EPG5: variants seen among roughly 807,000 people sequenced by gnomAD.
EPG5 encodes the protein ectopic P granules protein 5 homolog.
A neutral mutation model predicts 302.7 loss-of-function variants in EPG5; 159 were observed. The ratio of observed to expected loss-of-function variants is 0.53; its 90% CI spans 0.46 to 0.60. The LOEUF (loss-of-function observed/expected upper bound fraction) is 0.60, where lower values mean the gene tolerates loss of function less well. Ranked by LOEUF, EPG5 falls within the 20% of genes least tolerant of loss-of-function variation. EPG5 has a pLI of 0.00. For missense variants in EPG5, 2,896 were observed against 3,092.4 expected (o/e 0.94, Z 1.51); for synonymous variants, 1,158 against 1,136.8 (o/e 1.02, Z -0.37).
chr18:45,950,372 G>C (rs185734354), intron 4 of EPG5, among the ~76,000 whole-genome samples: 2 of 152,084 alleles, frequency 1.3e-5, no homozygotes, highest in Non-Finnish European at 2.9e-5. Context: ...CTGAATCATG[G>C]GGGCCGGTCT....
intron 32 of EPG5, 75 bp from the exon 33 acceptor site, chr18:45,879,289 G>A: frequency 2.9e-6 from 3 of 1,030,754 alleles, no homozygotes; most frequent in South Asian, 1.5e-5. Context: ...ACTGTGATGG[G>A]GGTGTATATA....
In EPG5 at chr18:45,954,774, G is replaced by T. The variant is rs1465076152; in HGVS notation, c.628C>A (p.Pro210Thr). The T allele has an allele frequency of 2.5e-6, 4 of 1,613,770 alleles. No homozygotes were observed. The highest frequency in any genetic ancestry group is 3.4e-6 in the Non-Finnish European group (4 of 1,179,956). Reference protein sequence around the residue: ...SCPAKHGFQTPRVKKLYPQLP... With the variant: ...SCPAKHGFQTTRVKKLYPQLP... ...TGGGGATACAGTTTCTTCACTCTAG[G>T]TGTCTGAAAACCATGTTTGGCTGGG... Residue 210 changes from proline to threonine, a missense_variant, in exon 2 of 44, where the codon CCT becomes ACT. Coordinates refer to ENST00000282041, the MANE Select transcript of EPG5 (RefSeq NM_020964.3).
At chr18:45,824,348 A>C in the EPG5 span, among the ~76,000 whole-genome samples, 3 of 152,212 alleles carry the variant, frequency 2.0e-5, no homozygotes, top group Non-Finnish European at 4.4e-5. Context: ...CTGAGACTAC[A>C]GGCACCCACC....
chr18:45,865,513 A>G, intron 39 of EPG5, 102 bp downstream of exon 39: 1 of 1,251,050 alleles, frequency 8.0e-7, no homozygotes, highest in Non-Finnish European at 1.1e-6. Flanking sequence ...CTCTGGAAAG[A>G]GGAGTGCCAG....
At chr18:45,879,361 G>A (rs1370996620) in intron 32 of EPG5, 147 bp from the exon 33 acceptor site, 2 of 623,684 alleles carry the variant, frequency 3.2e-6, no homozygotes, top group Non-Finnish European at 5.4e-6. Flanking sequence ...ATAAATCAAT[G>A]GTTTTTTGTT....
chr18:45,900,085 G>A lies in EPG5; in HGVS notation c.4647-519C>T, dbSNP rs566478532. Among the ~76,000 whole-genome samples the A allele has an allele frequency of 1.8e-4, 27 of 152,206 alleles. 1 individual carries two copies. In the South Asian group the frequency reaches 2.1e-3, roughly 12 times the overall value. On this transcript the variant is annotated intron_variant, in intron 26 of 43. Transcript: ENST00000282041. ...GCAACAAATGCCTGGACCAAAAACAGACAAGGAAAAAAATACTGATAAGAA... is the reference window on the plus strand; with the variant it reads ...GCAACAAATGCCTGGACCAAAAACAAACAAGGAAAAAAATACTGATAAGAA...
the EPG5 span, among the ~76,000 whole-genome samples, chr18:45,833,722 G>C: frequency 6.6e-6 from 1 of 152,172 alleles, no homozygotes; most frequent in Non-Finnish European, 1.5e-5. Flanking sequence ...TGTCATTATT[G>C]TTGCTGTTGC....
chr18:45,865,808 G>C, intron 38 of EPG5, 49 bp from the exon 39 acceptor site: 1 of 1,574,018 alleles, frequency 6.4e-7, no homozygotes, highest in Non-Finnish European at 8.6e-7. Flanking sequence ...CAAGCAAGGA[G>C]TGTTAACTGC....
intron 7 of EPG5, among the ~76,000 whole-genome samples, chr18:45,945,369 A>G (rs1043887652): frequency 5.9e-5 from 9 of 152,182 alleles, no homozygotes. Flanking sequence ...ATAGCTAGTA[A>G]CAAGAAACCA....
chr18:45,955,437 T>C (rs912398414), intron 1 of EPG5, 99 bp from the exon 2 acceptor site: 11 of 822,348 alleles, frequency 1.3e-5, no homozygotes, highest in Non-Finnish European at 1.9e-5. Context: ...AATTTCATCA[T>C]GTAACAAATG....
At chr18:45,891,848 T>G (rs1214127263) in intron 27 of EPG5, among the ~76,000 whole-genome samples, 1 of 152,234 alleles carries the variant, frequency 6.6e-6, no homozygotes, top group Non-Finnish European at 1.5e-5. Flanking sequence ...TGAATTAAAT[T>G]TGAAATCTTT....
Position 45,954,667 on chromosome 18 carries a change from T to C in EPG5, c.735A>G (p.Glu245=). ...GTACTAGTTCCAGTTGAGACGGGAGTTCTGGGTAGAGTCGCTCACTGCGAA... is the reference window on the plus strand; with the variant it reads ...GTACTAGTTCCAGTTGAGACGGGAGCTCTGGGTAGAGTCGCTCACTGCGAA... ...PLLRSERLYP[E]LPSQLELVPF... Residue 245 remains glutamate, a synonymous_variant, in exon 2 of 44, where the codon GAA becomes GAG. Transcript: ENST00000282041. 6.2e-7 allele frequency: 1 copy of C among 1,614,106 alleles called. No individual in the cohort carries two copies. The highest frequency in any genetic ancestry group is 8.5e-7 in the Non-Finnish European group (1 of 1,180,024).
intron 17 of EPG5, among the ~76,000 whole-genome samples, chr18:45,916,960 G>A (rs1240766458): frequency 1.3e-5 from 2 of 152,156 alleles, no homozygotes; most frequent in African/African-American, 4.8e-5. Context: ...CTTAAAAAGG[G>A]GTTGAAGGGT....
At chr18:45,864,814 CTTG>C (rs1386373926) in intron 39 of EPG5, among the ~76,000 whole-genome samples, 1 of 152,226 alleles carries the variant, frequency 6.6e-6, no homozygotes, top group Non-Finnish European at 1.5e-5. Context: ...TGAGGGTCAG[CTTG>C]TTATCAATTC....
intron 11 of EPG5, among the ~76,000 whole-genome samples, chr18:45,931,343 T>G (rs1429461290): frequency 6.6e-6 from 1 of 152,194 alleles, no homozygotes; most frequent in African/African-American, 2.4e-5. Flanking sequence ...GGGCAAGAAA[T>G]TAGTTATAAC....
chr18:45,913,890 C>G, intron 20 of EPG5, 62 bp from the exon 21 acceptor site: 1 of 1,572,930 alleles, frequency 6.4e-7, no homozygotes, highest in Non-Finnish European at 8.6e-7. Context: ...CGAAATACAT[C>G]CTGATATTCC....
intron 11 of EPG5, among the ~76,000 whole-genome samples, chr18:45,931,695 C>T (rs898052213): frequency 4.6e-5 from 7 of 151,912 alleles, no homozygotes; most frequent in Non-Finnish European, 7.4e-5. Context: ...ATTAGCTGGG[C>T]GTGGTGGCAC....
intron 16 of EPG5, among the ~76,000 whole-genome samples, chr18:45,918,598 G>A (rs1198271437): frequency 6.6e-6 from 1 of 152,062 alleles, no homozygotes; most frequent in Non-Finnish European, 1.5e-5. Flanking sequence ...ATAAAGAGGC[G>A]CTTTTCAGGT....
chr18:45,870,905 T>A (rs531206086), intron 35 of EPG5, among the ~76,000 whole-genome samples, 163 bp from the exon 36 acceptor site: 13 of 152,220 alleles, frequency 8.5e-5, no homozygotes, highest in Admixed American at 2.0e-4. Flanking sequence ...TACTGGCAGA[T>A]TAGTAATAAA....
Sources: gnomAD v4.1 joint callset for allele counts (sites outside exome capture counted in the v4.1 genomes callset) on GRCh38, gnomAD v4.1.1 for gene constraint, MANE v1.5 for transcripts, NCBI Gene and HGNC (gene_info 2026-07-23, HGNC 2026-07-21) for gene names.